Variants in NUMB observed in about 807,000 individuals in gnomAD.
NUMB encodes the protein protein numb homolog.
NUMB carries 29 observed loss-of-function variants against 59.7 expected under a neutral mutation model. The ratio of observed to expected loss-of-function variants is 0.49; its 90% confidence interval spans 0.36 to 0.66. NUMB has a LOEUF of 0.66. Among genes scored for constraint, NUMB ranks in the 30% least tolerant of loss-of-function variants. The pLI is 0.00. For synonymous variants in NUMB, 288 were observed against 288.2 expected (o/e 1.00, Z 0.01); for missense variants, 723 against 822.0 (o/e 0.88, Z 1.47).
At chr14:73,365,687 C>A (rs1334389518) in intron 3 of NUMB, among the ~76,000 whole-genome samples, 1 of 152,126 alleles carries the variant, frequency 6.6e-6, no homozygotes, top group Non-Finnish European at 1.5e-5. Flanking sequence ...CTTTAAATAG[C>A]TTTTGAATTT....
At chr14:73,319,819 GCT>G (rs1891301481) in intron 5 of NUMB, among the ~76,000 whole-genome samples, 7 of 152,112 alleles carry the variant, frequency 4.6e-5, no homozygotes, top group Admixed American at 4.6e-4. Context: ...TCTCAGTATA[GCT>G]CTAGAAAGAG....
rs1594897360 is a variant in NUMB, at chr14:73,316,436, G to A, written c.202-14C>T. On this transcript the variant is annotated splice_polypyrimidine_tract_variant and intron_variant, in intron 5 of 12. Transcript: ENST00000555238. Reference sequence around the variant, plus strand: ...GAACTTCCTTTCCTGGAGGAACAGGGGGACAAGTCGAGTGCTATTATTGTA... The same window carrying A: ...GAACTTCCTTTCCTGGAGGAACAGGAGGACAAGTCGAGTGCTATTATTGTA... 1.2e-6 allele frequency: 2 copies of A among 1,613,106 alleles called. No individual in the cohort carries two copies. The highest frequency in any genetic ancestry group is 2.2e-5 in the East Asian group (1 of 44,852).
intron 10 of NUMB, 139 bp downstream of exon 10, chr14:73,283,942 G>A: frequency 2.6e-6 from 2 of 773,418 alleles, no homozygotes; most frequent in Non-Finnish European, 4.1e-6. Flanking sequence ...CCCACTATGG[G>A]AAATGACAAA....
chr14:73,406,711 C>A (rs1288773583), intron 2 of NUMB, among the ~76,000 whole-genome samples: 1 of 152,166 alleles, frequency 6.6e-6, no homozygotes, highest in African/African-American at 2.4e-5. Context: ...CTCCCACCAA[C>A]AGTGTAAAAG....
At chr14:73,352,752 C>T (rs1308324926) in intron 4 of NUMB, among the ~76,000 whole-genome samples, 1 of 147,884 alleles carries the variant, frequency 6.8e-6, no homozygotes, top group Admixed American at 6.8e-5. Context: ...CCGTGTTAGC[C>T]AGGATGGTCT....
chr14:73,404,317 G>A (rs1048807106), intron 2 of NUMB, among the ~76,000 whole-genome samples: 5 of 151,524 alleles, frequency 3.3e-5, no homozygotes, highest in Non-Finnish European at 5.9e-5. Flanking sequence ...GCCCTGGAAC[G>A]TCAAGACTCT....
chr14:73,433,486 A>C (rs1897921685), intron 1 of NUMB, among the ~76,000 whole-genome samples: 1 of 152,150 alleles, frequency 6.6e-6, no homozygotes, highest in Non-Finnish European at 1.5e-5. Context: ...AACAATTTTC[A>C]TCAACTTCCT....
intron 4 of NUMB, among the ~76,000 whole-genome samples, chr14:73,348,434 G>A (rs777083539): frequency 2.6e-5 from 4 of 152,242 alleles, no homozygotes; most frequent in Non-Finnish European, 4.4e-5. Context: ...CCCAATACTG[G>A]TCGGTGGCCT....
chr14:73,415,938 G>GA (rs200974112), intron 1 of NUMB, among the ~76,000 whole-genome samples: 2 of 151,598 alleles, frequency 1.3e-5, no homozygotes, highest in Non-Finnish European at 2.9e-5. Flanking sequence ...ACAAAAGAAA[G>GA]AAAAAAAATC....
At chr14:73,284,611 C>T (rs1198779243) in intron 9 of NUMB, 2 of 356,608 alleles carry the variant, frequency 5.6e-6, no homozygotes, top group African/African-American at 2.1e-5. Context: ...CTTTTATTCT[C>T]ATTCAGTGAT....
intron 2 of NUMB, among the ~76,000 whole-genome samples, chr14:73,383,206 C>T (rs1420033818): frequency 6.6e-6 from 1 of 152,030 alleles, no homozygotes; most frequent in Non-Finnish European, 1.5e-5. Flanking sequence ...TTGTTAATTA[C>T]CACACACAGA....
At chr14:73,395,793 TA>T (rs567506104) in intron 2 of NUMB, among the ~76,000 whole-genome samples, 40 of 152,304 alleles carry the variant, frequency 2.6e-4, no homozygotes, top group African/African-American at 9.4e-4. Flanking sequence ...AGGCAATGCA[TA>T]GTTTTTCCTG....
At chr14:73,319,021 C>G (rs1891243792) in intron 5 of NUMB, among the ~76,000 whole-genome samples, 1 of 152,150 alleles carries the variant, frequency 6.6e-6, no homozygotes, top group African/African-American at 2.4e-5. Flanking sequence ...TGCCTGTAAT[C>G]CCAGCACTTT....
chr14:73,301,580 G>A (rs1287740862), intron 6 of NUMB, among the ~76,000 whole-genome samples: 1 of 152,152 alleles, frequency 6.6e-6, no homozygotes. Flanking sequence ...TGGGACTACA[G>A]GCGTGCACTA....
At chr14:73,421,649 C>T (rs1897349897) in intron 1 of NUMB, among the ~76,000 whole-genome samples, 1 of 151,958 alleles carries the variant, frequency 6.6e-6, no homozygotes, top group South Asian at 2.1e-4. Context: ...AAATCAAATA[C>T]CATAAGGGGC....
chr14:73,343,147 A>G (rs758808102), intron 4 of NUMB, among the ~76,000 whole-genome samples: 9 of 152,136 alleles, frequency 5.9e-5, no homozygotes, highest in Non-Finnish European at 1.0e-4. Flanking sequence ...ATATGCTTTT[A>G]AAGTGTTCCA....
At chr14:73,415,818 G>A (rs1166790920) in intron 1 of NUMB, among the ~76,000 whole-genome samples, 4 of 152,082 alleles carry the variant, frequency 2.6e-5, no homozygotes, top group Non-Finnish European at 4.4e-5. Context: ...TAGTCAAGAA[G>A]CCATGATAAA....
intron 1 of NUMB, among the ~76,000 whole-genome samples, chr14:73,444,208 G>A (rs911504700): frequency 6.6e-6 from 1 of 152,078 alleles, no homozygotes; most frequent in East Asian, 1.9e-4. Context: ...GACCACCCTG[G>A]CTAACACGGT....
intron 1 of NUMB, among the ~76,000 whole-genome samples, chr14:73,427,460 G>C (rs1272712226): frequency 6.6e-6 from 1 of 151,888 alleles, no homozygotes; most frequent in African/African-American, 2.4e-5. Context: ...GTGAGACTCT[G>C]TCTAGAAAAA....
Sources: gnomAD v4.1 joint callset for allele counts (sites outside exome capture counted in the v4.1 genomes callset) on GRCh38, gnomAD v4.1.1 for gene constraint, MANE v1.5 for transcripts, NCBI Gene and HGNC (gene_info 2026-07-23, HGNC 2026-07-21) for gene names.